The following PSIP1 variants were observed in gnomAD, a reference collection of about 807,000 sequenced individuals.
The protein encoded by PSIP1 is PC4 and SRSF1 interacting protein 1, also known as PC4 and SFRS1-interacting protein.
Under a neutral mutation model 74.7 loss-of-function variants are expected in PSIP1, and 19 were observed. The ratio of observed to expected loss-of-function variants is 0.25; its 90% CI spans 0.18 to 0.37. PSIP1 has a LOEUF of 0.37. PSIP1 is among the 10% of genes least tolerant of loss of function. The pLI is 1.00. For missense variants in PSIP1, 601 were observed against 614.3 expected, an observed-to-expected ratio of 0.98 and a Z score of 0.23; for synonymous variants, 222 against 195.3, an observed-to-expected ratio of 1.14 and a Z score of -1.14.
At chr9:15,468,416 C>A (rs992060241) in intron 14 of PSIP1, 3 of 753,192 alleles carry the variant, frequency 4.0e-6, no homozygotes, top group African/African-American at 3.4e-5. Context: ...ATGGTTTCTG[C>A]CTTAGAAGTC....
chr9:15,496,860 T>C (rs2037098347), intron 3 of PSIP1, among the ~76,000 whole-genome samples: 1 of 152,090 alleles, frequency 6.6e-6, no homozygotes, highest in East Asian at 1.9e-4. Flanking sequence ...GAAATGTAAA[T>C]CAAAAATCAC....
chr9:15,465,489 C>G lies in PSIP1; in HGVS notation c.*31G>C, dbSNP rs1232770202. 2.0e-6 allele frequency: 3 copies of G among 1,488,120 alleles called. No individual in the cohort carries two copies. The highest frequency in any genetic ancestry group is 2.8e-6 in the Non-Finnish European group (3 of 1,086,494). The allele number at this position is 1,488,120 out of a possible 1,614,324, so 92.2% of individuals were successfully genotyped here. A position where few individuals can be genotyped will look rare whatever the true frequency, so the allele number is the denominator to read the frequency against. On this transcript the variant is annotated 3_prime_UTR_variant, in exon 16 of 16. Coordinates refer to ENST00000380733, the MANE Select transcript of PSIP1 (RefSeq NM_033222.5). Reference sequence around the variant, plus strand: ...CAAATGAAAACCATTACAAACTTCTCAAGTGTTCTCTATATTCCAGGTATG... The same window carrying G: ...CAAATGAAAACCATTACAAACTTCTGAAGTGTTCTCTATATTCCAGGTATG...
At chr9:15,500,183 A>C (rs2037268936) in intron 3 of PSIP1, among the ~76,000 whole-genome samples, 1 of 152,156 alleles carries the variant, frequency 6.6e-6, no homozygotes, top group South Asian at 2.1e-4. Context: ...AGAGATCAAT[A>C]GGGCTGGGCG....
intron 6 of PSIP1, among the ~76,000 whole-genome samples, chr9:15,484,139 A>T (rs530721425): frequency 6.6e-6 from 1 of 151,596 alleles, no homozygotes; most frequent in East Asian, 1.9e-4. Flanking sequence ...ATCCAAAAAA[A>T]AAAAAAAACA....
intron 8 of PSIP1, among the ~76,000 whole-genome samples, chr9:15,477,237 T>C (rs1418038487): frequency 1.3e-5 from 2 of 152,128 alleles, no homozygotes; most frequent in African/African-American, 2.4e-5. Flanking sequence ...GTAAAAATTC[T>C]ATGTGTTTAT....
chr9:15,506,449 A>C (rs1194605247), intron 3 of PSIP1, 112 bp downstream of exon 3: 3 of 735,050 alleles, frequency 4.1e-6, no homozygotes, highest in African/African-American at 1.7e-5. Flanking sequence ...TCCAAAGTTC[A>C]AAGATTTTAA....
At chr9:15,494,855 A>G (rs1351128950) in intron 3 of PSIP1, among the ~76,000 whole-genome samples, 1 of 152,148 alleles carries the variant, frequency 6.6e-6, no homozygotes, top group Admixed American at 6.5e-5. Context: ...AAAAATTAAC[A>G]CATTTAGCTC....
chr9:15,467,269 A>C (rs1462265454), intron 14 of PSIP1, among the ~76,000 whole-genome samples: 2 of 152,220 alleles, frequency 1.3e-5, no homozygotes, highest in African/African-American at 4.8e-5. Flanking sequence ...TTTTAGAACA[A>C]AGTGCTAAAG....
At chr9:15,509,613 T>C (rs557848149) in intron 2 of PSIP1, among the ~76,000 whole-genome samples, 1 of 152,352 alleles carries the variant, frequency 6.6e-6, no homozygotes, top group East Asian at 1.9e-4. Context: ...GTCCTGAATC[T>C]GTATTAAACA....
rs2035890926 is a variant in PSIP1, at chr9:15,472,661, G to C, written c.948C>G (p.Arg316=). The change falls in exon 10 of 16, where the codon CGC becomes CGG. Residue 316 remains arginine, a synonymous_variant. Transcript: ENST00000380733. Reference sequence around the variant, plus strand: ...CAGTTTCCATTTGTTCCTCTTGCTTGCGTTTTCGATCTGCTGCTTCTTTCT... The same window carrying C: ...CAGTTTCCATTTGTTCCTCTTGCTTCCGTTTTCGATCTGCTGCTTCTTTCT... ...QHEKEAADRK[R]KQEEQMETEQ... The C allele has an allele frequency of 2.5e-6, 4 of 1,603,634 alleles. No individual in the cohort carries two copies. Among genetic ancestry groups the C allele is most frequent in the African/African-American group, 1.4e-5 (1 of 73,856 alleles).
chr9:15,490,155 A>G (rs773294200), intron 3 of PSIP1, 31 bp from the exon 4 acceptor site: 1 of 1,542,018 alleles, frequency 6.5e-7, no homozygotes, highest in South Asian at 1.3e-5. Context: ...ATGTGAGTGC[A>G]AAGCAAGCTC....
intron 4 of PSIP1, among the ~76,000 whole-genome samples, chr9:15,487,148 C>G (rs1204660864): frequency 6.6e-6 from 1 of 150,662 alleles, no homozygotes; most frequent in African/African-American, 2.4e-5. Flanking sequence ...TGTAGTGAAC[C>G]ATGATTGCAC....
At chr9:15,485,522 T>C (rs1054061753) in intron 6 of PSIP1, among the ~76,000 whole-genome samples, 1 of 152,208 alleles carries the variant, frequency 6.6e-6, no homozygotes, top group African/African-American at 2.4e-5. Context: ...ACTTCGTATA[T>C]GGAAGGAAAA....
At chr9:15,469,128 C>G (rs111762263) in intron 12 of PSIP1, 70 bp from the exon 13 acceptor site, 4 of 1,459,096 alleles carry the variant, frequency 2.7e-6, no homozygotes, top group Non-Finnish European at 3.8e-6. Flanking sequence ...TTCTAAAGAT[C>G]GTTTCCAAAA....
chr9:15,478,542 G>C lies in PSIP1; in HGVS notation c.564C>G (p.Val188=). The part of the protein sequence containing the change: ...PKRGRPAATE[V]KIPKPRGRPK... The stretch of plus-strand genomic sequence containing the variant: ...GTCTGCCTCTTGGTTTTGGAATCTT[G>C]ACTTCTGTAGCTAATATACACATGG... The change falls in exon 8 of 16, where the codon GTC becomes GTG. Residue 188 remains valine (V), a synonymous_variant. Coordinates refer to ENST00000380733, the MANE Select transcript of PSIP1 (RefSeq NM_033222.5). 1.3e-6 allele frequency: 2 copies of C among 1,598,416 alleles called. No individual in the cohort carries two copies. The highest frequency in any genetic ancestry group is 2.2e-5 in the South Asian group (2 of 90,648).
chr9:15,483,127 G>C (rs1365453508), intron 6 of PSIP1, among the ~76,000 whole-genome samples: 1 of 151,934 alleles, frequency 6.6e-6, no homozygotes, highest in Non-Finnish European at 1.5e-5. Context: ...GTTCTCCTTT[G>C]ACCTCATCTA....
At chr9:15,492,845 C>A (rs1013547907) in intron 3 of PSIP1, among the ~76,000 whole-genome samples, 1 of 152,234 alleles carries the variant, frequency 6.6e-6, no homozygotes, top group Admixed American at 6.5e-5. Context: ...CCCTCTGAAA[C>A]AACAGCCTCA....
chr9:15,493,315 T>C (rs972167490), intron 3 of PSIP1, among the ~76,000 whole-genome samples: 7 of 152,040 alleles, frequency 4.6e-5, no homozygotes. Context: ...CCCAACACGC[T>C]CCTCATCTCC....
intron 14 of PSIP1, among the ~76,000 whole-genome samples, chr9:15,467,189 T>C (rs1019954470): frequency 6.6e-6 from 1 of 152,204 alleles, no homozygotes; most frequent in South Asian, 2.1e-4. Flanking sequence ...CTACAGGGTG[T>C]TGTAATTCTT....
Sources: allele counts gnomAD v4.1 joint callset (sites outside exome capture counted in the v4.1 genomes callset), GRCh38; gene constraint gnomAD v4.1.1; transcripts MANE v1.5; gene names NCBI Gene and HGNC (gene_info 2026-07-23, HGNC 2026-07-21).